ZFP1: variants seen among roughly 807,000 people sequenced by gnomAD.
The protein encoded by ZFP1 is zinc finger protein 1 homolog.
ZFP1 carries 32 observed loss-of-function variants against 38.5 expected under a neutral mutation model. That is an observed-to-expected ratio of 0.83 (90% confidence interval 0.63 to 1.12). The LOEUF is 1.12. Ranked by LOEUF, ZFP1 falls within the 50% of genes most tolerant of loss-of-function variation. The probability of loss-of-function intolerance (pLI) is 0.00; values close to 1 mark genes in which losing one functional copy is unlikely to be tolerated. For synonymous variants in ZFP1, 245 were observed against 168.8 expected (o/e 1.45, Z -3.50); for missense variants, 616 against 480.8 (o/e 1.28, Z -2.63).
rs539278915 is a variant in ZFP1 at position 75,160,173 on chromosome 16, A to G, written c.16-6597A>G. On this transcript the variant is annotated intron_variant, in intron 2 of 3. Coordinates refer to ENST00000570010, the MANE Select transcript of ZFP1 (RefSeq NM_153688.4). ...ATGGCTTCTGTAGCGCCATCATCCT[A>G]TGTCTTACTCCATTTTGTGCTGCCA... is the stretch of plus-strand genomic sequence containing the variant. 7.2e-5 allele frequency among the ~76,000 whole-genome samples: 11 copies of G among 152,290 alleles called. No homozygotes were observed. In the East Asian group the frequency reaches 1.2e-3, roughly 16 times the overall value.
intron 2 of ZFP1, among the ~76,000 whole-genome samples, chr16:75,161,199 C>G (rs961324379): frequency 6.6e-6 from 1 of 152,118 alleles, no homozygotes; most frequent in East Asian, 1.9e-4. Context: ...TCCCGAGTAG[C>G]TGGGATTACA....
chr16:75,161,430 T>C (rs1001311293), intron 2 of ZFP1, among the ~76,000 whole-genome samples: 1 of 151,724 alleles, frequency 6.6e-6, no homozygotes, highest in Admixed American at 6.6e-5. Context: ...TGATCGTAAA[T>C]GTGTGGCTCT....
Position 75,152,891 on chromosome 16 carries a change from C to G in ZFP1, c.-43-18C>G. The G allele has an allele frequency of 6.2e-7, 1 of 1,607,986 alleles. No individual in the cohort carries two copies. Among genetic ancestry groups the G allele is most frequent in the Non-Finnish European group, 8.5e-7 (1 of 1,177,410 alleles). ...TCAGACCTTTAATAACAATGCCTTC[C>G]TTTTTCCTCTATTCCAGTTCTGCCT... is the stretch of plus-strand genomic sequence containing the variant. On this transcript the variant is annotated intron_variant, in intron 1 of 3. Transcript: ENST00000570010.
At chr16:75,166,354 C>T (rs1421949247) in intron 2 of ZFP1, among the ~76,000 whole-genome samples, 1 of 152,136 alleles carries the variant, frequency 6.6e-6, no homozygotes, top group Non-Finnish European at 1.5e-5. Flanking sequence ...TGTCTCAGCT[C>T]CCCCACGTAG....
At chr16:75,146,660 T>G (rs983337012), upstream of ZFP1, among the ~76,000 whole-genome samples, 2 of 152,044 alleles carry the variant, frequency 1.3e-5, no homozygotes, top group African/African-American at 4.8e-5. Flanking sequence ...GAACTGAGGC[T>G]GGGCACAGTG....
the ZFP1 span, among the ~76,000 whole-genome samples, chr16:75,135,054 CA>C: frequency 3.3e-4 from 47 of 140,524 alleles, no homozygotes; most frequent in Non-Finnish European, 5.1e-4. Context: ...AACTCCATCT[CA>C]AAAAAAAAAC....
rs143782883 is a variant in ZFP1 at position 75,170,008 on chromosome 16, G to C, written c.898G>C (p.Glu300Gln). 3 of 1,614,152 alleles carry C rather than the reference G, an allele frequency of 1.9e-6. No individual in the cohort carries two copies. Among genetic ancestry groups the C allele is most frequent in the Non-Finnish European group, 2.5e-6 (3 of 1,180,026 alleles). Residue 300 changes from glutamate (E) to glutamine (Q), a missense_variant, in exon 4 of 4, where the codon GAA becomes CAA. Physicochemically the swap from Glu to Gln is conservative, Grantham distance 29. Coordinates refer to ENST00000570010, the MANE Select transcript of ZFP1 (RefSeq NM_153688.4). Reference sequence around the variant, plus strand: ...AGGAGAGCGACCCTATGAGTGTAACGAATGTGCAAAAACCTTCTTTAAGAA... The same window carrying C: ...AGGAGAGCGACCCTATGAGTGTAACCAATGTGCAAAAACCTTCTTTAAGAA... ...HTGERPYECN[E>Q]CAKTFFKKSN...
the ZFP1 span, among the ~76,000 whole-genome samples, chr16:75,138,883 T>G: frequency 1.3e-5 from 2 of 152,208 alleles, no homozygotes; most frequent in African/African-American, 2.4e-5. Context: ...CTGCCCAGTA[T>G]GTGGTCCTTT....
the ZFP1 span, among the ~76,000 whole-genome samples, chr16:75,137,124 C>G: frequency 6.6e-6 from 1 of 152,052 alleles, no homozygotes; most frequent in Non-Finnish European, 1.5e-5. Context: ...TGAGATGGCC[C>G]TGGATTATCT....
At chr16:75,166,707 T>A in intron 2 of ZFP1, 63 bp from the exon 3 acceptor site, 1 of 1,611,282 alleles carries the variant, frequency 6.2e-7, no homozygotes, top group Admixed American at 1.7e-5. Context: ...CATAAAGTTT[T>A]CATCTATCCT....
At chr16:75,150,283 A>G (rs1272348672) in intron 1 of ZFP1, among the ~76,000 whole-genome samples, 1 of 144,762 alleles carries the variant, frequency 6.9e-6, no homozygotes, top group East Asian at 2.0e-4. Flanking sequence ...ATCTCGGCTC[A>G]CTGCAAGCTC....
the ZFP1 span, among the ~76,000 whole-genome samples, chr16:75,142,362 TAA>T: frequency 4.4e-5 from 6 of 136,346 alleles, no homozygotes; most frequent in Admixed American, 7.5e-5. Context: ...CAAGACTTCC[TAA>T]AAAAAAAAAA....
At chr16:75,163,765 C>T (rs954827596) in intron 2 of ZFP1, among the ~76,000 whole-genome samples, 2 of 151,844 alleles carry the variant, frequency 1.3e-5, no homozygotes, top group South Asian at 2.1e-4. Context: ...GTGTGCACCA[C>T]CACGTCCAGC....
At chr16:75,119,465 G>A in the ZFP1 span, 14 of 151,910 alleles carry the variant, frequency 9.2e-5, no homozygotes, top group African/African-American at 3.4e-4. Context: ...CTTCCATGTT[G>A]ATGGAAGGCA....
At position 75,169,633 on chromosome 16, in the gene ZFP1, C is replaced by G. The variant is rs767433199; in HGVS notation, c.523C>G (p.Gln175Glu). The G allele has an allele frequency of 5.0e-6, 8 of 1,592,798 alleles. No individual in the cohort carries two copies. The highest frequency in any genetic ancestry group is 5.1e-6 in the Non-Finnish European group (6 of 1,174,166). The change falls in exon 4 of 4, where the codon CAG becomes GAG. Residue 175 changes from glutamine (Q) to glutamate (E), a missense_variant. Coordinates refer to ENST00000570010, the MANE Select transcript of ZFP1 (RefSeq NM_153688.4). The stretch of plus-strand genomic sequence containing the variant: ...CCATAAAGCAGCCATTTTTAAACAT[C>G]AGAAAATAAAAAACTTGGTTCAACC... ...LSHKAAIFKH[Q>E]KIKNLVQPFI...
chr16:75,124,880 G>C, the ZFP1 span, among the ~76,000 whole-genome samples: 1 of 122,918 alleles, frequency 8.1e-6, no homozygotes, highest in Non-Finnish European at 1.7e-5. Context: ...TTTTTTTTTG[G>C]TAAGAAAGCT....
chr16:75,150,089 T>A (rs890671283), intron 1 of ZFP1, among the ~76,000 whole-genome samples: 1 of 152,236 alleles, frequency 6.6e-6, no homozygotes, highest in African/African-American at 2.4e-5. Context: ...CCAGCCTTTT[T>A]ATTGTGTTTT....
the ZFP1 span, among the ~76,000 whole-genome samples, chr16:75,129,426 G>A: frequency 0.31 from 47,822 of 152,020 alleles, 7,716 homozygotes; most frequent in Non-Finnish European, 0.34. Context: ...CTAAGCTAAA[G>A]GGAAAAGTCA....
chr16:75,169,146 A>C lies in ZFP1; in HGVS notation c.143-107A>C, dbSNP rs2038270995. ...TTTAATATTGGGAGACTGGGTCCCA[A>C]ACTAAAGAGTCAGCCCTGTGATAGA... On this transcript the variant is annotated intron_variant, in intron 3 of 3. Transcript: ENST00000570010. 13 of 1,371,032 alleles carry C rather than the reference A, an allele frequency of 9.5e-6. No individual in the cohort carries two copies. In the South Asian group the frequency reaches 2.3e-4, roughly 24 times the overall value. 84.9% of individuals were successfully genotyped at this position (1,371,032 alleles called of 1,614,324 possible).
Sources: allele counts gnomAD v4.1 joint callset (sites outside exome capture counted in the v4.1 genomes callset), GRCh38; gene constraint gnomAD v4.1.1; transcripts MANE v1.5; gene names NCBI Gene and HGNC (gene_info 2026-07-23, HGNC 2026-07-21).